AURKB: variants seen among roughly 807,000 people sequenced by gnomAD.
AURKB encodes aurora kinase B.
Under a neutral mutation model 36.5 loss-of-function variants are expected in AURKB, and 28 were observed. That is an observed-to-expected ratio of 0.77 (90% CI 0.57 to 1.05). The LOEUF is 1.05. Ranked by LOEUF, AURKB falls within the 50% of genes least tolerant of loss-of-function variation. AURKB has a pLI of 0.00. For missense variants in AURKB, 383 were observed against 447.4 expected (o/e 0.86, Z 1.30); for synonymous variants, 175 against 172.9 (o/e 1.01, Z -0.09).
At chr17:8,208,393 C>G (rs1985652873) in intron 2 of AURKB, among the ~76,000 whole-genome samples, 1 of 150,844 alleles carries the variant, frequency 6.6e-6, no homozygotes, top group Admixed American at 6.6e-5. Context: ...CCATTGCACT[C>G]CAGCCTGGGC....
intron 2 of AURKB, 65 bp downstream of exon 2, chr17:8,210,112 A>G (rs1408457749): frequency 1.9e-6 from 3 of 1,581,800 alleles, no homozygotes; most frequent in Non-Finnish European, 2.6e-6. Context: ...CAGGATCTCA[A>G]GTTTCCCAGC....
intron 2 of AURKB, among the ~76,000 whole-genome samples, chr17:8,209,455 C>T (rs1044372173): frequency 8.5e-5 from 13 of 152,366 alleles, no homozygotes; most frequent in African/African-American, 3.1e-4. Context: ...AGGGAACAGA[C>T]AGACTCTCCA....
intron 2 of AURKB, 91 bp downstream of exon 2, chr17:8,210,086 A>G: frequency 6.6e-7 from 1 of 1,506,664 alleles, no homozygotes; most frequent in Non-Finnish European, 9.2e-7. Flanking sequence ...GAAAGTGCTT[A>G]AAGGATTGCT....
rs192781364 is a variant in AURKB, at chr17:8,207,162, G to C, written c.398+14C>G. The C allele has an allele frequency of 2.5e-6, 4 of 1,607,354 alleles. No individual in the cohort carries two copies. The highest frequency in any genetic ancestry group is 3.4e-6 in the Non-Finnish European group (4 of 1,175,232). On this transcript the variant is annotated intron_variant, in intron 5 of 8. Coordinates refer to ENST00000585124, the MANE Select transcript of AURKB (RefSeq NM_004217.4). ...GAGCAGAGGGGCTTCGGCTCAGGGG[G>C]CATCAACCCATACTGCAGGTGGGCC...
In AURKB at chr17:8,206,991, A is replaced by G. The variant is rs1985403487; in HGVS notation, c.399-103T>C. Reference sequence around the variant, plus strand: ...AGACGTGGCCCAGGCCGGGGACACCAGGGCTGGGAGTGGTAAGGGGAAACT... The same window carrying G: ...AGACGTGGCCCAGGCCGGGGACACCGGGGCTGGGAGTGGTAAGGGGAAACT... On this transcript the variant is annotated intron_variant, in intron 5 of 8. Coordinates refer to ENST00000585124, the MANE Select transcript of AURKB (RefSeq NM_004217.4). The surrounding 1 kb of genome is among the most constrained non-coding windows in gnomAD (Gnocchi z 4.2). 8 of 1,549,262 alleles carry G rather than the reference A, an allele frequency of 5.2e-6. No homozygotes were observed. The highest frequency in any genetic ancestry group is 7.0e-6 in the Non-Finnish European group (8 of 1,143,090).
At chr17:8,205,872 C>T (rs1473712662) in intron 7 of AURKB, among the ~76,000 whole-genome samples, 1 of 151,890 alleles carries the variant, frequency 6.6e-6, no homozygotes, top group East Asian at 1.9e-4. Context: ...CTCAGCCTCC[C>T]GAACAGCTGG....
Position 8,204,750 on chromosome 17 carries a change from C to A in AURKB, c.*121G>T. ...CTACACTCATGAGTACAAAAAGCTT[C>A]AGCCTTTATTAAACAAAGGAGGAGG... On this transcript the variant is annotated 3_prime_UTR_variant, in exon 9 of 9. Transcript: ENST00000585124. 4 of 1,364,442 alleles carry A rather than the reference C, an allele frequency of 2.9e-6. No homozygotes were observed. The highest frequency in any genetic ancestry group is 4.1e-6 in the Non-Finnish European group (4 of 986,922). The allele number at this position is 1,364,442 out of a possible 1,614,324, so 84.5% of individuals were successfully genotyped here.
In AURKB at chr17:8,206,675, G is replaced by A. The variant is rs115026501; in HGVS notation, c.538-36C>T. On this transcript the variant is annotated intron_variant, in intron 6 of 8. Transcript: ENST00000585124. The surrounding 1 kb of genome is among the most constrained non-coding windows in gnomAD (Gnocchi z 4.2). ...CAACGACAGGCAATCAGACAAGGAT[G>A]GACCTCCAGCTACAAGCAGCACACC... The A allele has an allele frequency of 1.2e-3, 1,883 of 1,613,866 alleles. 19 individuals are homozygous for A. The African/African-American group carries it at 0.022, about 19-fold the overall frequency.
In AURKB at chr17:8,206,461, AC is replaced by A; in HGVS notation, c.686+29del. 1 of 1,613,220 alleles carries A rather than the reference AC, an allele frequency of 6.2e-7. No individual in the cohort carries two copies. Among genetic ancestry groups the A allele is most frequent in the Admixed American group, 1.7e-5 (1 of 59,968 alleles). On this transcript the variant is annotated intron_variant, in intron 7 of 8. Transcript: ENST00000585124. This position sits in a 1 kb window ranked among gnomAD's most constrained non-coding sequence, Gnocchi z 4.2. ...AGAGGTTTTAATGGCCCAGCCTCACACCCAGGTCTGGCCTCCCAGGCCACCA... is the reference window on the plus strand; with the variant it reads ...AGAGGTTTTAATGGCCCAGCCTCACACCAGGTCTGGCCTCCCAGGCCACCA...
chr17:8,204,944 A>G lies in AURKB; in HGVS notation c.962T>C (p.Val321Ala). Residue 321 changes from valine to alanine, a missense_variant, in exon 9 of 9, where the codon GTC becomes GCC. This residue lies in a region of AURKB where 219 missense variants were observed against 252.6 expected (regional missense o/e 0.87). Transcript: ENST00000585124. The part of the protein sequence containing the change: ...NPSERLPLAQ[V>A]SAHPWVRANS... ...GGCCCGGACCCAAGGGTGGGCTGAG[A>G]CCTGGGCCAGGGGCAGCCGTTCCGA... 1 of 1,609,032 alleles carries G rather than the reference A, an allele frequency of 6.2e-7. No homozygotes were observed. The highest frequency in any genetic ancestry group is 1.1e-5 in the South Asian group (1 of 90,910).
intron 3 of AURKB, 35 bp from the exon 4 acceptor site, chr17:8,207,660 G>T (rs1185240358): frequency 1.1e-5 from 17 of 1,613,870 alleles, no homozygotes; most frequent in Non-Finnish European, 1.3e-5. Flanking sequence ...ATGCGAACAG[G>T]GATGACCTTC....
rs1241562368 is a variant in AURKB, at chr17:8,205,351, T to TG, written c.725dup (p.Glu243ArgfsTer4). ...TGTGCATGCGCCCCTCAATCATCTC[T>TG]GGGGGCAGGTAGTCCAGGGTGCCAC... is the stretch of plus-strand genomic sequence containing the variant. On this transcript the variant is annotated frameshift_variant, in exon 8 of 9. Transcript: ENST00000585124. LOFTEE classifies it high-confidence loss of function. The TG allele has an allele frequency of 3.1e-6, 5 of 1,614,160 alleles. No individual in the cohort carries two copies.
intron 2 of AURKB, chr17:8,208,299 C>T (rs1033861141): frequency 3.2e-5 from 5 of 155,378 alleles, no homozygotes; most frequent in East Asian, 1.9e-4. Flanking sequence ...GTGGCACGCT[C>T]CTGTAATCCC....
Position 8,204,793 on chromosome 17 carries a change from A to G in AURKB, c.*78T>C, listed in dbSNP as rs1567566789. ...GGAGGAGGTAGAAAACAGATAAGGG[A>G]ACAGTTAGGGATCCCTTCTTTCCCC... On this transcript the variant is annotated 3_prime_UTR_variant, in exon 9 of 9. Transcript: ENST00000585124. The G allele has an allele frequency of 1.3e-6, 2 of 1,552,746 alleles. No homozygotes were observed. The highest frequency in any genetic ancestry group is 1.4e-5 in the African/African-American group (1 of 72,000).
At chr17:8,205,430 A>T (rs753842571) in intron 7 of AURKB, 40 bp from the exon 8 acceptor site, 27 of 1,601,172 alleles carry the variant, frequency 1.7e-5, no homozygotes, top group South Asian at 5.6e-5. Context: ...TCCTAGTGAC[A>T]TAGGAACTCT....
At chr17:8,207,106 A>G (rs936755074) in intron 5 of AURKB, 70 bp downstream of exon 5, 3 of 1,540,390 alleles carry the variant, frequency 1.9e-6, no homozygotes, top group Non-Finnish European at 2.6e-6. Flanking sequence ...ATCTGGATGA[A>G]GTGGGGCTGA....
intron 2 of AURKB, 59 bp from the exon 3 acceptor site, chr17:8,207,899 G>A: frequency 1.4e-6 from 2 of 1,398,424 alleles, no homozygotes. Flanking sequence ...GGGGTGGAAT[G>A]TGCTGCAAGC....
Position 8,207,915 on chromosome 17 carries a change from T to A in AURKB, c.49-75A>T, listed in dbSNP as rs1985580836. Reference sequence around the variant, plus strand: ...GGGTGGAATGTGCTGCAAGCAGTATTTCAGCCCCTTGCTAAAGAGCCACCC... The same window carrying A: ...GGGTGGAATGTGCTGCAAGCAGTATATCAGCCCCTTGCTAAAGAGCCACCC... On this transcript the variant is annotated intron_variant, in intron 2 of 8. Transcript: ENST00000585124. The A allele has an allele frequency of 1.5e-5, 19 of 1,251,374 alleles. 1 individual carries two copies. In the South Asian group the frequency reaches 2.7e-4, roughly 18 times the overall value. The allele number at this position is 1,251,374 out of a possible 1,614,324, so 77.5% of individuals were successfully genotyped here.
chr17:8,209,290 C>T (rs1301516832), intron 2 of AURKB, among the ~76,000 whole-genome samples: 2 of 152,220 alleles, frequency 1.3e-5, no homozygotes, highest in Non-Finnish European at 2.9e-5. Context: ...GGATTACAGG[C>T]GTGAGCCACC....
Sources: gnomAD v4.1 joint callset for allele counts (sites outside exome capture counted in the v4.1 genomes callset) on GRCh38, gnomAD v4.1.1 for gene constraint, gnomAD v4.1.1 regional missense constraint, Gnocchi (gnomAD v3.1) non-coding constraint, MANE v1.5 for transcripts, NCBI Gene and HGNC (gene_info 2026-07-23, HGNC 2026-07-21) for gene names.